Variants in CADM2 observed in about 807,000 individuals in gnomAD.
CADM2 encodes cell adhesion molecule 2.
Under a neutral mutation model 49.8 loss-of-function variants are expected in CADM2, and 12 were observed. That is an observed-to-expected ratio of 0.24 (90% CI 0.15 to 0.39). CADM2 has a LOEUF of 0.39. CADM2 is among the 10% of genes least tolerant of loss of function. The pLI is 1.00. For synonymous variants in CADM2, 214 were observed against 175.4 expected (o/e 1.22, Z -1.74); for missense variants, 378 against 492.3 (o/e 0.77, Z 2.20).
intron 1 of CADM2, among the ~76,000 whole-genome samples, chr3:85,600,190 A>C (rs1225867457): frequency 6.6e-6 from 1 of 151,886 alleles, no homozygotes. Context: ...TATATGTTTG[A>C]ATGCCAAAAT....
intron 1 of CADM2, among the ~76,000 whole-genome samples, chr3:85,579,178 G>A (rs1008263135): frequency 3.3e-5 from 5 of 152,098 alleles, no homozygotes; most frequent in African/African-American, 1.2e-4. Context: ...ATAAATTTGA[G>A]TCATGAACTT....
chr3:85,293,906 C>G (rs1470001723), intron 1 of CADM2, among the ~76,000 whole-genome samples: 2 of 151,836 alleles, frequency 1.3e-5, no homozygotes, highest in East Asian at 3.9e-4. Context: ...CCTCACCACT[C>G]CTATTCAACA....
intron 1 of CADM2, among the ~76,000 whole-genome samples, chr3:85,359,660 A>ATT (rs1289345059): frequency 0.046 from 896 of 19,396 alleles, 97 homozygotes; most frequent in Non-Finnish European, 0.075. Flanking sequence ...ATATATATAT[A>ATT]TATATATTTT....
intron 1 of CADM2, among the ~76,000 whole-genome samples, chr3:85,511,064 T>C (rs142822970): frequency 6.6e-6 from 1 of 152,028 alleles, no homozygotes; most frequent in African/African-American, 2.4e-5. Context: ...TCAACTAATA[T>C]TTCACACGTT....
At chr3:85,776,912 C>T (rs1209839425) in intron 2 of CADM2, among the ~76,000 whole-genome samples, 2 of 151,948 alleles carry the variant, frequency 1.3e-5, no homozygotes, top group Non-Finnish European at 2.9e-5. Context: ...GTCTGACACG[C>T]CTGAAAGTTC....
At chr3:85,816,761 G>C (rs1274883224) in intron 3 of CADM2, among the ~76,000 whole-genome samples, 1 of 151,952 alleles carries the variant, frequency 6.6e-6, no homozygotes, top group African/African-American at 2.4e-5. Context: ...CACACACAGC[G>C]ACTCGCTAAG....
At chr3:86,014,471 A>G in intron 8 of CADM2, 1 of 1,506,752 alleles carries the variant, frequency 6.6e-7, no homozygotes, top group Non-Finnish European at 8.9e-7. Context: ...TGGTAACCAA[A>G]CTTGATATTC....
chr3:85,456,819 CTA>C (rs2038012180), intron 1 of CADM2, among the ~76,000 whole-genome samples: 3 of 148,070 alleles, frequency 2.0e-5, no homozygotes, highest in Middle Eastern at 6.9e-3. Context: ...GTAAAAACAA[CTA>C]TGTGTTTTTT....
At chr3:85,782,043 A>G (rs977598430) in intron 2 of CADM2, among the ~76,000 whole-genome samples, 1 of 152,242 alleles carries the variant, frequency 6.6e-6, no homozygotes, top group African/African-American at 2.4e-5. Flanking sequence ...AAACAAATGA[A>G]AACATGGCTT....
At chr3:85,999,294 AG>A (rs1729849762) in intron 8 of CADM2, among the ~76,000 whole-genome samples, 1 of 151,166 alleles carries the variant, frequency 6.6e-6, no homozygotes, top group African/African-American at 2.4e-5. Context: ...ACTTGAGTTC[AG>A]GAGTTCGAGA....
Position 85,000,114 on chromosome 3 carries a change from T to TTCTCTCTCTCTCTCTC in CADM2, c.61+40465_61+40480dup, listed in dbSNP as rs59094520. On this transcript the variant is annotated intron_variant, in intron 1 of 9. Coordinates refer to ENST00000383699, the MANE Select transcript of CADM2 (RefSeq NM_001167675.2). ...ATATAACATATAGGTTGCTTCTACTTTCTCTCTCTCTCTCTCTCTCTCTCT... is the reference window on the plus strand; with the variant it reads ...ATATAACATATAGGTTGCTTCTACTTTCTCTCTCTCTCTCTCTCTCTCTCTCTCTCTCTCTCTCTCT... Among the ~76,000 whole-genome samples the TTCTCTCTCTCTCTCTC allele has an allele frequency of 6.3e-3, 859 of 136,824 alleles. 10 individuals are homozygous for TTCTCTCTCTCTCTCTC. Among genetic ancestry groups the TTCTCTCTCTCTCTCTC allele is most frequent in the Admixed American group, 0.034 (438 of 13,054 alleles). 89.8% of individuals were successfully genotyped at this position (136,824 alleles called of 152,430 possible).
Position 85,494,640 on chromosome 3 carries a change from G to T in CADM2, c.62-231882G>T, listed in dbSNP as rs576946934. Among the ~76,000 whole-genome samples the T allele has an allele frequency of 2.6e-5, 4 of 152,258 alleles. No individual in the cohort carries two copies. In the South Asian group the frequency reaches 8.3e-4, roughly 32 times the overall value. ...AGACATGGCTGTATTACATAGACAA[G>T]AAAATGAGGTGACACATTAAGCCAT... On this transcript the variant is annotated intron_variant, in intron 1 of 9. Coordinates refer to ENST00000383699, the MANE Select transcript of CADM2 (RefSeq NM_001167675.2).
intron 1 of CADM2, among the ~76,000 whole-genome samples, chr3:85,505,987 T>A (rs184874946): frequency 1.3e-5 from 2 of 152,320 alleles, no homozygotes; most frequent in East Asian, 3.9e-4. Context: ...ATTCTTACAG[T>A]CCTTCTTTTT....
intron 3 of CADM2, among the ~76,000 whole-genome samples, chr3:85,823,036 A>G (rs2073686700): frequency 6.6e-6 from 1 of 152,176 alleles, no homozygotes; most frequent in Non-Finnish European, 1.5e-5. Context: ...TACCAAATAT[A>G]TAAGATAAGT....
chr3:85,285,366 C>A (rs1435396362), intron 1 of CADM2, among the ~76,000 whole-genome samples: 1 of 151,984 alleles, frequency 6.6e-6, no homozygotes, highest in Non-Finnish European at 1.5e-5. Flanking sequence ...AGTTCAAAAA[C>A]CAATACCTAG....
At chr3:85,420,498 G>A (rs1410682484) in intron 1 of CADM2, among the ~76,000 whole-genome samples, 1 of 152,106 alleles carries the variant, frequency 6.6e-6, no homozygotes, top group Non-Finnish European at 1.5e-5. Context: ...TATGTCCCAT[G>A]GGGGAAAAAA....
intron 2 of CADM2, among the ~76,000 whole-genome samples, chr3:85,762,632 A>G (rs2069451438): frequency 1.8e-5 from 1 of 55,598 alleles, no homozygotes; most frequent in African/African-American, 1.1e-4. Flanking sequence ...TGTCTCTGTT[A>G]TTTTATTTAT....
At chr3:85,242,451 T>A (rs77548471) in intron 1 of CADM2, among the ~76,000 whole-genome samples, 14,451 of 151,016 alleles carry the variant, frequency 0.096, 853 homozygotes, top group African/African-American at 0.17. Flanking sequence ...TAGGAAAATG[T>A]TTTTTTACTG....
chr3:85,880,738 C>G (rs1712630183), intron 3 of CADM2, among the ~76,000 whole-genome samples: 1 of 152,164 alleles, frequency 6.6e-6, no homozygotes, highest in Non-Finnish European at 1.5e-5. Context: ...TAGTTTTCAT[C>G]TAGTTTTCAC....
Sources: gnomAD v4.1 joint callset for allele counts (sites outside exome capture counted in the v4.1 genomes callset) on GRCh38, gnomAD v4.1.1 for gene constraint, MANE v1.5 for transcripts, NCBI Gene and HGNC (gene_info 2026-07-23, HGNC 2026-07-21) for gene names.